Variants in HORMAD2 observed in about 807,000 individuals in gnomAD.
HORMAD2 encodes the protein HORMA domain containing 2.
HORMAD2 carries 45 observed loss-of-function variants against 38.8 expected under a neutral mutation model. That is an observed-to-expected ratio of 1.16 (90% CI 0.91 to 1.49). The LOEUF (loss-of-function observed/expected upper bound fraction) is 1.49. Ranked by LOEUF, HORMAD2 falls within the 40% of genes most tolerant of loss-of-function variation. HORMAD2 has a pLI of 0.00. For missense variants in HORMAD2, 338 were observed against 367.0 expected (o/e 0.92, Z 0.65); for synonymous variants, 126 against 122.8 (o/e 1.03, Z -0.17).
At chr22:30,129,217 CA>C (rs750796623) in intron 10 of HORMAD2, among the ~76,000 whole-genome samples, 1 of 22,650 alleles carries the variant, frequency 4.4e-5, no homozygotes, top group Admixed American at 7.6e-4. Flanking sequence ...GACTCTATCT[CA>C]AAAAAAAAAA....
intron 10 of HORMAD2, among the ~76,000 whole-genome samples, chr22:30,126,075 C>T (rs1188793714): frequency 1.3e-5 from 2 of 152,172 alleles, no homozygotes; most frequent in Non-Finnish European, 2.9e-5. Context: ...TTTACAGTCA[C>T]TATTCTGCTC....
intron 5 of HORMAD2, among the ~76,000 whole-genome samples, chr22:30,108,016 G>A (rs558322673): frequency 1.2e-4 from 18 of 151,538 alleles, no homozygotes; most frequent in Admixed American, 5.9e-4. Flanking sequence ...CTACAGGCAC[G>A]TGCCACCATG....
At chr22:30,107,314 A>G (rs190273711) in intron 5 of HORMAD2, among the ~76,000 whole-genome samples, 1 of 152,362 alleles carries the variant, frequency 6.6e-6, no homozygotes, top group Admixed American at 6.5e-5. Context: ...CAGTCAAAAT[A>G]GCTTGTTTTG....
intron 10 of HORMAD2, among the ~76,000 whole-genome samples, chr22:30,152,901 T>C (rs532613864): frequency 6.6e-5 from 10 of 152,324 alleles, no homozygotes; most frequent in Non-Finnish European, 1.3e-4. Context: ...TCGACTTCCA[T>C]ATGTGTTATC....
intron 2 of HORMAD2, among the ~76,000 whole-genome samples, chr22:30,097,062 G>T (rs2068795629): frequency 6.6e-6 from 1 of 152,060 alleles, no homozygotes; most frequent in Non-Finnish European, 1.5e-5. Context: ...CACAACACCG[G>T]CTGGAATTCA....
At chr22:30,147,575 T>C (rs1429724938) in intron 10 of HORMAD2, among the ~76,000 whole-genome samples, 1 of 151,898 alleles carries the variant, frequency 6.6e-6, no homozygotes, top group Non-Finnish European at 1.5e-5. Context: ...TCCCTAAAAG[T>C]ACTAACCATA....
intron 10 of HORMAD2, among the ~76,000 whole-genome samples, chr22:30,139,254 CTATATATATATATATATATA>C (rs3067131): frequency 1.7e-4 from 16 of 96,774 alleles, no homozygotes; most frequent in Non-Finnish European, 1.5e-4. Flanking sequence ...ATGAACTGTA[CTATATATATATATATATATA>C]TATATATATA....
At chr22:30,203,511 C>G in the HORMAD2 span, among the ~76,000 whole-genome samples, 3 of 152,142 alleles carry the variant, frequency 2.0e-5, no homozygotes, top group Non-Finnish European at 4.4e-5. Flanking sequence ...ACTGTCCATC[C>G]TTCCCCTGCT....
chr22:30,132,296 A>G (rs753026796), intron 10 of HORMAD2, among the ~76,000 whole-genome samples: 9 of 152,192 alleles, frequency 5.9e-5, no homozygotes, highest in Admixed American at 2.0e-4. Context: ...AAACACACAC[A>G]TCAGGCCAGG....
intron 10 of HORMAD2, among the ~76,000 whole-genome samples, chr22:30,158,158 A>G (rs1925200241): frequency 6.6e-6 from 1 of 152,156 alleles, no homozygotes. Flanking sequence ...AGCTCCCTCA[A>G]TTCTCTCAGT....
chr22:30,192,440 G>A, the HORMAD2 span, among the ~76,000 whole-genome samples: 2 of 152,276 alleles, frequency 1.3e-5, no homozygotes, highest in East Asian at 3.9e-4. Context: ...GAGGTGTGAG[G>A]ATTGAAGGGG....
At chr22:30,108,156 T>C (rs1921344501) in intron 5 of HORMAD2, among the ~76,000 whole-genome samples, 2 of 152,196 alleles carry the variant, frequency 1.3e-5, no homozygotes, top group African/African-American at 2.4e-5. Context: ...CAGATAATTA[T>C]TGTAAAAAAA....
chr22:30,079,687 A>T, upstream of HORMAD2, among the ~76,000 whole-genome samples: 1 of 145,708 alleles, frequency 6.9e-6, no homozygotes, highest in Non-Finnish European at 1.5e-5. Context: ...TGTACTTTTT[A>T]AAATTTTTTT....
At chr22:30,162,932 C>T (rs987727940) in intron 10 of HORMAD2, among the ~76,000 whole-genome samples, 10 of 152,052 alleles carry the variant, frequency 6.6e-5, no homozygotes, top group African/African-American at 2.2e-4. Flanking sequence ...GAACTCCTGA[C>T]CTCAAGTGAT....
intron 10 of HORMAD2, among the ~76,000 whole-genome samples, chr22:30,123,643 GTATTTATT>G (rs71198526): frequency 0.24 from 34,228 of 145,190 alleles, 6,199 homozygotes; most frequent in African/African-American, 0.5. Flanking sequence ...CCTCAGCTAG[GTATTTATT>G]TATTTATTTA....
chr22:30,105,834 C>T (rs1190235514), intron 5 of HORMAD2, among the ~76,000 whole-genome samples: 2 of 152,174 alleles, frequency 1.3e-5, no homozygotes, highest in Admixed American at 6.5e-5. Flanking sequence ...TCAATATCCT[C>T]CCCATCACCT....
At chr22:30,083,689 C>T (rs530761791) in intron 1 of HORMAD2, among the ~76,000 whole-genome samples, 1 of 152,266 alleles carries the variant, frequency 6.6e-6, no homozygotes, top group Admixed American at 6.5e-5. Flanking sequence ...AATCTCGGCT[C>T]ACTGCAACCT....
downstream of HORMAD2, among the ~76,000 whole-genome samples, chr22:30,179,008 G>A (rs577180124): frequency 6.6e-6 from 1 of 152,134 alleles, no homozygotes; most frequent in Non-Finnish European, 1.5e-5. Context: ...CTTCCAGGAA[G>A]AGGCTGGAAA....
chr22:30,154,163 T>C (rs962910452), intron 10 of HORMAD2, among the ~76,000 whole-genome samples: 1 of 152,228 alleles, frequency 6.6e-6, no homozygotes, highest in African/African-American at 2.4e-5. Flanking sequence ...CTAAGCTTTT[T>C]GACACCTCAC....
Sources: gnomAD v4.1 joint callset for allele counts (sites outside exome capture counted in the v4.1 genomes callset) on GRCh38, gnomAD v4.1.1 for gene constraint, MANE v1.5 for transcripts, NCBI Gene and HGNC (gene_info 2026-07-23, HGNC 2026-07-21) for gene names.